Variants in APBA2 observed in about 807,000 individuals in gnomAD.
APBA2 encodes the protein amyloid beta precursor protein binding family A member 2.
Under a neutral mutation model 75.0 loss-of-function variants are expected in APBA2, and 30 were observed. The observed-to-expected ratio is 0.40, with a 90% CI of 0.30 to 0.54. The LOEUF (loss-of-function observed/expected upper bound fraction) is 0.54, where lower values mean the gene tolerates loss of function less well. Ranked by LOEUF, APBA2 falls within the 20% of genes least tolerant of loss-of-function variation. The pLI is 0.49. For missense variants in APBA2, 801 were observed against 1,016.1 expected (o/e 0.79, Z 2.88); for synonymous variants, 444 against 409.6 (o/e 1.08, Z -1.01).
chr15:28,973,983 C>G (rs1408245037), intron 2 of APBA2, among the ~76,000 whole-genome samples: 2 of 152,098 alleles, frequency 1.3e-5, no homozygotes, highest in Non-Finnish European at 2.9e-5. Flanking sequence ...AGAACTGAGA[C>G]CAAACCTAGC....
rs560011348 is a variant in APBA2 at position 29,087,465 on chromosome 15, AC to A, written c.1070-5605del. Among the ~76,000 whole-genome samples, 11 of 151,430 alleles carry A rather than the reference AC, an allele frequency of 7.3e-5. No individual in the cohort carries two copies. In the South Asian group the frequency reaches 1.7e-3, roughly 23 times the overall value. On this transcript the variant is annotated intron_variant, in intron 6 of 14. Transcript: ENST00000683413. ...GGTGTCTAAAGTTCAACACTGTGGA[AC>A]CCCCAAATCCCTTTTATCAGTGACA... is the stretch of plus-strand genomic sequence containing the variant.
In APBA2 at chr15:29,049,298, A is replaced by G. The variant is rs545771528; in HGVS notation, c.-40-4547A>G. On this transcript the variant is annotated intron_variant, in intron 3 of 14. Transcript: ENST00000683413. ...AATCACTGGGGTAACCATCGTGGAG[A>G]ACATGAAGCTGCTCCCTACCTTGTG... 2.6e-5 allele frequency among the ~76,000 whole-genome samples: 4 copies of G among 152,306 alleles called. No individual in the cohort carries two copies. The South Asian group carries it at 8.3e-4, about 32-fold the overall frequency.
intron 1 of APBA2, among the ~76,000 whole-genome samples, chr15:28,898,112 C>G (rs1317309669): frequency 6.6e-6 from 1 of 152,116 alleles, no homozygotes; most frequent in Non-Finnish European, 1.5e-5. Context: ...TCCCCTGGTG[C>G]CTCTGGAGGG....
chr15:29,085,328 A>G (rs1318907010), intron 6 of APBA2, among the ~76,000 whole-genome samples: 1 of 152,120 alleles, frequency 6.6e-6, no homozygotes, highest in Non-Finnish European at 1.5e-5. Flanking sequence ...GATCAAGACC[A>G]TCCTGGCTAA....
chr15:28,937,306 G>A (rs1405236458), intron 2 of APBA2, among the ~76,000 whole-genome samples: 1 of 152,186 alleles, frequency 6.6e-6, no homozygotes, highest in Non-Finnish European at 1.5e-5. Context: ...TGGGGAGGAA[G>A]GGCAATATCT....
At chr15:28,968,104 A>C (rs76268793) in intron 2 of APBA2, among the ~76,000 whole-genome samples, 4,864 of 152,316 alleles carry the variant, frequency 0.032, 282 homozygotes, top group African/African-American at 0.11. Flanking sequence ...CGTTGTAGTA[A>C]GTGTCAGAAT....
intron 2 of APBA2, among the ~76,000 whole-genome samples, chr15:28,948,381 GA>G (rs57863257): frequency 3.4e-4 from 49 of 146,222 alleles, no homozygotes; most frequent in Admixed American, 5.4e-4. Flanking sequence ...ATTATTTTTG[GA>G]AAAAAAAAAA....
intron 2 of APBA2, among the ~76,000 whole-genome samples, chr15:28,985,925 G>A (rs146780719): frequency 2.0e-5 from 3 of 152,314 alleles, no homozygotes; most frequent in Admixed American, 6.5e-5. Flanking sequence ...TGGGAGGAGC[G>A]GCGGAGCAGG....
intron 10 of APBA2, among the ~76,000 whole-genome samples, chr15:29,103,676 G>A (rs991606475): frequency 6.6e-6 from 1 of 152,224 alleles, no homozygotes; most frequent in Non-Finnish European, 1.5e-5. Context: ...GAGGAAGAAT[G>A]GCGGTGGCCC....
chr15:28,981,451 G>A (rs2087534), intron 2 of APBA2, among the ~76,000 whole-genome samples: 53,478 of 152,078 alleles, frequency 0.35, 16,937 homozygotes, highest in African/African-American at 0.84. Flanking sequence ...CAGTACCACA[G>A]TGAGATACCA....
chr15:29,031,898 C>G (rs555634886), intron 3 of APBA2, among the ~76,000 whole-genome samples: 2 of 152,336 alleles, frequency 1.3e-5, no homozygotes, highest in South Asian at 4.1e-4. Context: ...ACAACCACCC[C>G]AAGAAAGTTG....
intron 4 of APBA2, among the ~76,000 whole-genome samples, chr15:29,066,627 C>T (rs1275933704): frequency 3.3e-5 from 5 of 151,992 alleles, no homozygotes; most frequent in South Asian, 4.2e-4. Context: ...TGGAGGTCAT[C>T]GGTGGTGATG....
chr15:29,007,964 G>A (rs1358446915), intron 3 of APBA2, among the ~76,000 whole-genome samples: 1 of 152,206 alleles, frequency 6.6e-6, no homozygotes. Flanking sequence ...TAGTCAAGGG[G>A]TGGAAGCAAC....
At chr15:29,114,695 TGA>T (rs199909865) in intron 14 of APBA2, among the ~76,000 whole-genome samples, 3 of 145,710 alleles carry the variant, frequency 2.1e-5, no homozygotes, top group African/African-American at 7.8e-5. Context: ...GTGTGGGAAA[TGA>T]GTGTGTGCGT....
At chr15:29,072,809 G>T (rs1295846426) in intron 4 of APBA2, among the ~76,000 whole-genome samples, 1 of 152,146 alleles carries the variant, frequency 6.6e-6, no homozygotes, top group South Asian at 2.1e-4. Flanking sequence ...AGGGGTAGGG[G>T]CAGCAGGACT....
intron 3 of APBA2, among the ~76,000 whole-genome samples, chr15:29,050,774 C>T (rs1203357587): frequency 6.6e-6 from 1 of 152,122 alleles, no homozygotes; most frequent in Non-Finnish European, 1.5e-5. Flanking sequence ...CCCCGAATGA[C>T]AGAGATTTTG....
intron 2 of APBA2, among the ~76,000 whole-genome samples, chr15:28,971,824 C>T (rs2037085546): frequency 1.3e-5 from 2 of 152,200 alleles, no homozygotes; most frequent in Admixed American, 6.5e-5. Context: ...TGACTCTACT[C>T]ATCAGCTTTT....
intron 5 of APBA2, 109 bp from the exon 6 acceptor site, chr15:29,075,946 G>A: frequency 1.1e-6 from 1 of 945,282 alleles, no homozygotes; most frequent in Non-Finnish European, 1.7e-6. Flanking sequence ...ACTCATGGGG[G>A]GTTTGCTTTT....
intron 3 of APBA2, among the ~76,000 whole-genome samples, chr15:29,035,802 G>A (rs988475822): frequency 2.2e-4 from 33 of 152,302 alleles, no homozygotes; most frequent in African/African-American, 7.5e-4. Flanking sequence ...GAAGCTCTAG[G>A]GCTGGGAGCC....
Sources: allele counts gnomAD v4.1 joint callset (sites outside exome capture counted in the v4.1 genomes callset), GRCh38; gene constraint gnomAD v4.1.1; transcripts MANE v1.5; gene names NCBI Gene and HGNC (gene_info 2026-07-23, HGNC 2026-07-21).